The following ABLIM2 variants were observed in gnomAD, a reference collection of about 807,000 sequenced individuals.
The protein encoded by ABLIM2 is actin binding LIM protein family member 2, also known as actin-binding LIM protein 2.
A neutral mutation model predicts 97.7 loss-of-function variants in ABLIM2; 53 were observed. The ratio of observed to expected loss-of-function variants is 0.54; its 90% CI spans 0.44 to 0.68. The LOEUF (loss-of-function observed/expected upper bound fraction) is 0.68. Among genes scored for constraint, ABLIM2 ranks in the 30% least tolerant of loss-of-function variants. The pLI is 0.00. For missense variants in ABLIM2, 835 were observed against 867.2 expected (o/e 0.96, Z 0.47); for synonymous variants, 361 against 345.8 (o/e 1.04, Z -0.49).
intron 1 of ABLIM2, among the ~76,000 whole-genome samples, chr4:8,109,855 CAG>C (rs1165288639): frequency 6.6e-6 from 1 of 152,238 alleles, no homozygotes; most frequent in East Asian, 1.9e-4. Context: ...CCTGTGGGCT[CAG>C]TCTGCAGCCG....
intron 3 of ABLIM2, among the ~76,000 whole-genome samples, chr4:8,091,351 A>T (rs1202220572): frequency 1.5e-4 from 3 of 19,414 alleles, no homozygotes; most frequent in Non-Finnish European, 2.2e-4. Context: ...ATATATATAT[A>T]ATTATATATA....
intron 18 of ABLIM2, among the ~76,000 whole-genome samples, chr4:7,983,953 T>G (rs1741181522): frequency 6.6e-6 from 1 of 152,268 alleles, no homozygotes; most frequent in Non-Finnish European, 1.5e-5. Flanking sequence ...TCTTGCTATG[T>G]TCTGAGCCTC....
At chr4:8,104,290 C>T (rs1836104805) in intron 2 of ABLIM2, among the ~76,000 whole-genome samples, 1 of 152,228 alleles carries the variant, frequency 6.6e-6, no homozygotes, top group South Asian at 2.1e-4. Flanking sequence ...TGCCGGAGAG[C>T]GTGCTGTTCA....
intron 3 of ABLIM2, among the ~76,000 whole-genome samples, chr4:8,093,065 T>C (rs28420077): frequency 0.26 from 38,793 of 151,748 alleles, 5,142 homozygotes; most frequent in East Asian, 0.32. Flanking sequence ...GCCAGGCTGG[T>C]CTCAAACTCC....
At chr4:7,993,010 G>A (rs1007362252) in intron 16 of ABLIM2, 83 bp from the exon 17 acceptor site, 22 of 1,471,634 alleles carry the variant, frequency 1.5e-5, no homozygotes, top group South Asian at 9.5e-5. Flanking sequence ...GCTTCCCACC[G>A]GGGTGGGCAA....
chr4:8,046,856 T>C lies in ABLIM2; in HGVS notation c.823-1615A>G, dbSNP rs1286033552. 6.6e-6 allele frequency among the ~76,000 whole-genome samples: 1 copy of C among 152,146 alleles called. No homozygotes were observed. The highest frequency in any genetic ancestry group is 2.4e-5 in the African/African-American group (1 of 41,432). On this transcript the variant is annotated intron_variant, in intron 8 of 20. Transcript: ENST00000447017. The surrounding 1 kb of genome is among the most constrained non-coding windows in gnomAD (Gnocchi z 4.4). ...GACACAGACACACACAGGGAGTCCATGTGGAGGCACAGGGAGAAGGCAGCA... is the reference window on the plus strand; with the variant it reads ...GACACAGACACACACAGGGAGTCCACGTGGAGGCACAGGGAGAAGGCAGCA...
Position 8,069,527 on chromosome 4 carries a change from A to C in ABLIM2, c.675+8101T>G, listed in dbSNP as rs1810354182. ...ATGCGCTGCCGGCATGAGGCAAGGCAGGAAGGCAGAGATGCGGCAAAGGGT... is the reference window on the plus strand; with the variant it reads ...ATGCGCTGCCGGCATGAGGCAAGGCCGGAAGGCAGAGATGCGGCAAAGGGT... On this transcript the variant is annotated intron_variant, in intron 6 of 20. Coordinates refer to ENST00000447017, the MANE Select transcript of ABLIM2 (RefSeq NM_001130083.2). The surrounding 1 kb of genome is among the most constrained non-coding windows in gnomAD (Gnocchi z 4.2). Among the ~76,000 whole-genome samples the C allele has an allele frequency of 6.6e-6, 1 of 152,212 alleles. No individual in the cohort carries two copies. The highest frequency in any genetic ancestry group is 1.5e-5 in the Non-Finnish European group (1 of 68,042).
Position 8,005,862 on chromosome 4 carries a change from C to T in ABLIM2, c.1618+2197G>A, listed in dbSNP as rs1760942731. Among the ~76,000 whole-genome samples the T allele has an allele frequency of 6.6e-6, 1 of 152,238 alleles. No homozygotes were observed. The highest frequency in any genetic ancestry group is 1.5e-5 in the Non-Finnish European group (1 of 68,046). On this transcript the variant is annotated intron_variant, in intron 16 of 20. Transcript: ENST00000447017. The surrounding 1 kb of genome is among the most constrained non-coding windows in gnomAD (Gnocchi z 4.9). ...TAAGCAGGCATGGCCAGGGGAAGGACACATATGTCTGTGCTGGAGCAGAAT... is the reference window on the plus strand; with the variant it reads ...TAAGCAGGCATGGCCAGGGGAAGGATACATATGTCTGTGCTGGAGCAGAAT...
intron 1 of ABLIM2, among the ~76,000 whole-genome samples, chr4:8,145,189 T>G (rs1226310250): frequency 1.3e-5 from 2 of 151,502 alleles, no homozygotes; most frequent in East Asian, 3.9e-4. Flanking sequence ...GGTATTGATT[T>G]TTTTTTTTTT....
intron 1 of ABLIM2, among the ~76,000 whole-genome samples, chr4:8,145,081 G>A (rs1851575853): frequency 6.6e-6 from 1 of 152,154 alleles, no homozygotes. Flanking sequence ...TCTGCCAACT[G>A]GGAGCAGTGA....
intron 5 of ABLIM2, 94 bp from the exon 6 acceptor site, chr4:8,077,815 G>A: frequency 9.2e-7 from 1 of 1,089,522 alleles, no homozygotes; most frequent in Non-Finnish European, 1.4e-6. Flanking sequence ...TGCCCTCAAA[G>A]TGGGGGAATG....
At chr4:8,110,379 G>T (rs13117114) in intron 1 of ABLIM2, among the ~76,000 whole-genome samples, 28,545 of 152,082 alleles carry the variant, frequency 0.19, 3,430 homozygotes, top group Non-Finnish European at 0.27. Context: ...GGCCTGGGAT[G>T]CAGGCTTAGC....
intron 8 of ABLIM2, among the ~76,000 whole-genome samples, chr4:8,052,736 C>T (rs1030833379): frequency 2.6e-5 from 4 of 152,224 alleles, no homozygotes; most frequent in Non-Finnish European, 2.9e-5. Context: ...TTCGCTCAGA[C>T]GGGCCTGCAT....
rs1237080936 is a variant in ABLIM2, at chr4:8,003,273, A to G, written c.1618+4786T>C. On this transcript the variant is annotated intron_variant, in intron 16 of 20. Coordinates refer to ENST00000447017, the MANE Select transcript of ABLIM2 (RefSeq NM_001130083.2). The surrounding 1 kb of genome is among the most constrained non-coding windows in gnomAD (Gnocchi z 4.2). ...GCCTTAAACATGCTCAGAAACCTGCATTAGCCTTCGGCCAGGCAGAGTCAT... is the reference window on the plus strand; with the variant it reads ...GCCTTAAACATGCTCAGAAACCTGCGTTAGCCTTCGGCCAGGCAGAGTCAT... 3.9e-5 allele frequency among the ~76,000 whole-genome samples: 6 copies of G among 152,240 alleles called. No individual in the cohort carries two copies. Among genetic ancestry groups the G allele is most frequent in the Non-Finnish European group, 8.8e-5 (6 of 68,048 alleles).
rs1011366247 is a variant in ABLIM2, at chr4:8,150,994, C to T, written c.10+7686G>A. On this transcript the variant is annotated intron_variant, in intron 1 of 20. Coordinates refer to ENST00000447017, the MANE Select transcript of ABLIM2 (RefSeq NM_001130083.2). This position sits in a 1 kb window ranked among gnomAD's most constrained non-coding sequence, Gnocchi z 6.3. ...ATTCTGCCCGTTCCCTGGTGCCTGCCGTGCCCAGGCCCTTGACTCTCACTC... is the reference window on the plus strand; with the variant it reads ...ATTCTGCCCGTTCCCTGGTGCCTGCTGTGCCCAGGCCCTTGACTCTCACTC... Among the ~76,000 whole-genome samples, 9 of 152,182 alleles carry T rather than the reference C, an allele frequency of 5.9e-5. No homozygotes were observed. Among genetic ancestry groups the T allele is most frequent in the African/African-American group, 9.7e-5 (4 of 41,440 alleles).
intron 4 of ABLIM2, among the ~76,000 whole-genome samples, chr4:8,084,008 G>A (rs1561263656): frequency 6.6e-6 from 1 of 152,046 alleles, no homozygotes; most frequent in Non-Finnish European, 1.5e-5. Flanking sequence ...GACCCCCTCT[G>A]CAGCACCTCA....
intron 2 of ABLIM2, among the ~76,000 whole-genome samples, chr4:8,098,340 C>T (rs531344061): frequency 6.6e-6 from 1 of 152,358 alleles, no homozygotes; most frequent in Non-Finnish European, 1.5e-5. Context: ...TAAAAGTTTT[C>T]ATCACAATGT....
rs573523274 is a variant in ABLIM2 at position 7,986,607 on chromosome 4, G to A, written c.1681-1714C>T. On this transcript the variant is annotated intron_variant, in intron 17 of 20. Transcript: ENST00000447017. This position sits in a 1 kb window ranked among gnomAD's most constrained non-coding sequence, Gnocchi z 4.3. ...CACTCTAGTTCTGGGCCTGGACCCT[G>A]AGCCAGGGTCCTCTTGCCTCCACCA... is the stretch of plus-strand genomic sequence containing the variant. Among the ~76,000 whole-genome samples, 2 of 152,282 alleles carry A rather than the reference G, an allele frequency of 1.3e-5. No homozygotes were observed. Among genetic ancestry groups the A allele is most frequent in the South Asian group, 2.1e-4 (1 of 4,820 alleles).
chr4:7,977,740 G>A (rs1164570870), intron 20 of ABLIM2, among the ~76,000 whole-genome samples: 1 of 151,518 alleles, frequency 6.6e-6, no homozygotes, highest in Non-Finnish European at 1.5e-5. Context: ...GCAGTGAGCT[G>A]AGATTGCGCC....
Sources: allele counts gnomAD v4.1 joint callset (sites outside exome capture counted in the v4.1 genomes callset), GRCh38; gene constraint gnomAD v4.1.1; non-coding constraint Gnocchi (gnomAD v3.1); transcripts MANE v1.5; gene names NCBI Gene and HGNC (gene_info 2026-07-23, HGNC 2026-07-21).